NUP205: variants seen among roughly 807,000 people sequenced by gnomAD.
NUP205 encodes nucleoporin 205.
Under a neutral mutation model 253.8 loss-of-function variants are expected in NUP205, and 76 were observed. The ratio of observed to expected loss-of-function variants is 0.30; its 90% CI spans 0.25 to 0.36. The LOEUF (loss-of-function observed/expected upper bound fraction) is 0.36. Among genes scored for constraint, NUP205 ranks in the 10% least tolerant of loss-of-function variants. NUP205 has a pLI of 1.00. For synonymous variants in NUP205, 832 were observed against 850.1 expected, an observed-to-expected ratio of 0.98 and a Z score of 0.37; for missense variants, 2,162 against 2,425.5, an observed-to-expected ratio of 0.89 and a Z score of 2.28.
At chr7:135,565,199 G>A (rs1269127998) in intron 1 of NUP205, among the ~76,000 whole-genome samples, 2 of 152,080 alleles carry the variant, frequency 1.3e-5, no homozygotes, top group Non-Finnish European at 2.9e-5. Flanking sequence ...TTTTTCAGAG[G>A]TCCTACTGTA....
rs192326402 is a variant in NUP205 at position 135,629,727 on chromosome 7, A to G, written c.4933-617A>G. On this transcript the variant is annotated intron_variant, in intron 34 of 42. Coordinates refer to ENST00000285968, the MANE Select transcript of NUP205 (RefSeq NM_015135.3). Reference sequence around the variant, plus strand: ...TTTTTAGTAGAGATGGCATTTCACCATGTTGGCCAGGCTGGTCTCAAACTC... The same window carrying G: ...TTTTTAGTAGAGATGGCATTTCACCGTGTTGGCCAGGCTGGTCTCAAACTC... Among the ~76,000 whole-genome samples the G allele has an allele frequency of 2.0e-3, 310 of 151,880 alleles. 3 individuals carry two copies. Among genetic ancestry groups the G allele is most frequent in the African/African-American group, 6.9e-3 (286 of 41,452 alleles).
At chr7:135,646,782 A>G (rs568803793) in intron 42 of NUP205, among the ~76,000 whole-genome samples, 5 of 152,322 alleles carry the variant, frequency 3.3e-5, no homozygotes, top group Admixed American at 2.6e-4. Flanking sequence ...TGCTTCATCT[A>G]AGAAATAGGA....
At chr7:135,611,540 A>G (rs913556013) in intron 22 of NUP205, among the ~76,000 whole-genome samples, 1 of 151,952 alleles carries the variant, frequency 6.6e-6, no homozygotes, top group Admixed American at 6.6e-5. Context: ...GTGTATATAC[A>G]TTGTTTATAG....
chr7:135,628,484 G>A (rs1031498374), intron 34 of NUP205, among the ~76,000 whole-genome samples: 22 of 152,264 alleles, frequency 1.4e-4, no homozygotes, highest in African/African-American at 5.3e-4. Flanking sequence ...GGTGGCTCAC[G>A]CCTGTAATCC....
rs566482126 is a variant in NUP205, at chr7:135,646,004, G to A, written c.5813-154G>A. 1.9e-5 allele frequency: 12 copies of A among 624,152 alleles called. No individual in the cohort carries two copies. In the East Asian group the frequency reaches 3.3e-4, roughly 17 times the overall value. 38.7% of individuals were successfully genotyped at this position (624,152 alleles called of 1,614,324 possible). ...TCTGGACCAGTGAAATGCTTTCTAGGGGCTTCCATTTGCTAAAAGTTGAAA... is the reference window on the plus strand; with the variant it reads ...TCTGGACCAGTGAAATGCTTTCTAGAGGCTTCCATTTGCTAAAAGTTGAAA... On this transcript the variant is annotated intron_variant, in intron 41 of 42. Coordinates refer to ENST00000285968, the MANE Select transcript of NUP205 (RefSeq NM_015135.3).
At position 135,584,785 on chromosome 7, in the gene NUP205, G is replaced by T. The variant is rs567225002; in HGVS notation, c.1043-47G>T. On this transcript the variant is annotated intron_variant, in intron 7 of 42. Transcript: ENST00000285968. The stretch of plus-strand genomic sequence containing the variant: ...ATTATGAGATATAATTACAATCTGG[G>T]TTAATGACTTTTCCTCCATGTACTG... The T allele has an allele frequency of 3.9e-6, 6 of 1,528,896 alleles. No individual in the cohort carries two copies. In the African/African-American group the frequency reaches 8.2e-5, roughly 21 times the overall value. The allele number at this position is 1,528,896 out of a possible 1,614,324, so 94.7% of individuals were successfully genotyped here.
intron 39 of NUP205, among the ~76,000 whole-genome samples, chr7:135,643,648 C>G (rs1453740827): frequency 6.7e-6 from 1 of 149,668 alleles, no homozygotes; most frequent in Non-Finnish European, 1.5e-5. Context: ...CTGAGAAAGG[C>G]TTCTGTTACA....
At position 135,619,901 on chromosome 7, in the gene NUP205, C is replaced by T; in HGVS notation, c.4330+13C>T. ...ACCTTAGAAGCAGGTAGAATGAGAT[C>T]AATTCCTAATCTTTTCTGGATTGGG... On this transcript the variant is annotated intron_variant, in intron 30 of 42. Coordinates refer to ENST00000285968, the MANE Select transcript of NUP205 (RefSeq NM_015135.3). 6.7e-7 allele frequency: 1 copy of T among 1,496,934 alleles called. No individual in the cohort carries two copies. Among genetic ancestry groups the T allele is most frequent in the Non-Finnish European group, 9.2e-7 (1 of 1,082,842 alleles). The allele number at this position is 1,496,934 out of a possible 1,614,324, so 92.7% of individuals were successfully genotyped here.
chr7:135,594,083 T>G lies in NUP205; in HGVS notation c.1831-464T>G, dbSNP rs140529959. On this transcript the variant is annotated intron_variant, in intron 12 of 42. Transcript: ENST00000285968. ...TATCAAAATATGACTCTGTACCCTA[T>G]AAATATGTATAGTTATTACATATCA... Among the ~76,000 whole-genome samples, 1,259 of 152,324 alleles carry G rather than the reference T, an allele frequency of 8.3e-3. 9 individuals carry two copies. The highest frequency in any genetic ancestry group is 0.011 in the Non-Finnish European group (761 of 68,020).
chr7:135,567,808 T>G (rs1805827214), intron 1 of NUP205, among the ~76,000 whole-genome samples: 2 of 152,234 alleles, frequency 1.3e-5, no homozygotes, highest in Admixed American at 6.5e-5. Flanking sequence ...TTTCATCTGT[T>G]GAGTAATTGG....
At chr7:135,560,813 A>G (rs1315693887) in intron 1 of NUP205, among the ~76,000 whole-genome samples, 1 of 152,146 alleles carries the variant, frequency 6.6e-6, no homozygotes, top group Non-Finnish European at 1.5e-5. Context: ...GGTGGTTGCC[A>G]GGGGCTGGGA....
chr7:135,587,658 A>G lies in NUP205; in HGVS notation c.1302A>G (p.Ser434=). Residue 434 remains serine, a synonymous_variant, in exon 9 of 43, where the codon TCA becomes TCG. Coordinates refer to ENST00000285968, the MANE Select transcript of NUP205 (RefSeq NM_015135.3). ...AGATGGGTAATGAACCCCCCATTTC[A>G]CTTAGAAGGGACCTGGAACACTTAA... The part of the protein sequence containing the change: ...SMQMGNEPPI[S]LRRDLEHLML... The G allele has an allele frequency of 6.2e-7, 1 of 1,610,036 alleles. No homozygotes were observed. Among genetic ancestry groups the G allele is most frequent in the Non-Finnish European group, 8.5e-7 (1 of 1,177,900 alleles).
chr7:135,601,345 T>G, intron 16 of NUP205, 25 bp from the exon 17 acceptor site: 1 of 1,597,664 alleles, frequency 6.3e-7, no homozygotes, highest in Non-Finnish European at 8.5e-7. Flanking sequence ...CCATCATCTC[T>G]TGGAATATGT....
chr7:135,589,877 T>C (rs1806579352), intron 10 of NUP205, among the ~76,000 whole-genome samples: 2 of 151,050 alleles, frequency 1.3e-5, no homozygotes, highest in South Asian at 2.1e-4. Flanking sequence ...GTGATTGTGC[T>C]ACTACATTCC....
chr7:135,584,961 G>A lies in NUP205; in HGVS notation c.1172G>A (p.Arg391Lys), dbSNP rs762294422. 15 of 1,613,840 alleles carry A rather than the reference G, an allele frequency of 9.3e-6. No individual in the cohort carries two copies. In the South Asian group the frequency reaches 1.6e-4, roughly 18 times the overall value. ...TATCAGGAAGAATTTTATATTCGCA[G>A]AGTCCATAATCTCATCACAGATTTC... is the stretch of plus-strand genomic sequence containing the variant. The part of the protein sequence containing the change: ...YFYQEEFYIR[R>K]VHNLITDFLA... The change falls in exon 8 of 43, where the codon AGA becomes AAA. Residue 391 changes from arginine to lysine, a missense_variant. Coordinates refer to ENST00000285968, the MANE Select transcript of NUP205 (RefSeq NM_015135.3).
intron 8 of NUP205, 71 bp from the exon 9 acceptor site, chr7:135,587,504 T>TG: frequency 1.2e-6 from 1 of 817,576 alleles, no homozygotes; most frequent in African/African-American, 1.7e-5. Context: ...TTAAGACAGT[T>TG]GCCTGATTTC....
rs1734453489 is a variant in NUP205 at position 135,646,192 on chromosome 7, A to G, written c.5847A>G (p.Arg1949=). 6.2e-7 allele frequency: 1 copy of G among 1,613,636 alleles called. No individual in the cohort carries two copies. The highest frequency in any genetic ancestry group is 8.5e-7 in the Non-Finnish European group (1 of 1,179,622). Residue 1949 remains arginine, a synonymous_variant, in exon 42 of 43, where the codon AGA becomes AGG. Transcript: ENST00000285968. The part of the protein sequence containing the change: ...SFASETNLDF[R]SGLAIVSQHD... ...CCTCAGAAACCAATCTAGATTTTAGAAGTGGGCTGGCTATAGTGAGCCAAC... is the reference window on the plus strand; with the variant it reads ...CCTCAGAAACCAATCTAGATTTTAGGAGTGGGCTGGCTATAGTGAGCCAAC...
intron 18 of NUP205, 74 bp from the exon 19 acceptor site, chr7:135,604,266 A>C: frequency 7.3e-7 from 1 of 1,376,674 alleles, no homozygotes; most frequent in South Asian, 1.4e-5. Context: ...CCTGGTTCTA[A>C]ATTTTCTTTA....
At chr7:135,592,857 A>G in intron 11 of NUP205, 130 bp from the exon 12 acceptor site, 1 of 689,408 alleles carries the variant, frequency 1.5e-6, no homozygotes, top group South Asian at 1.9e-5. Flanking sequence ...TCTGCACTCC[A>G]GCCTGGGTGA....
Sources: allele counts gnomAD v4.1 joint callset (sites outside exome capture counted in the v4.1 genomes callset), GRCh38; gene constraint gnomAD v4.1.1; transcripts MANE v1.5; gene names NCBI Gene and HGNC (gene_info 2026-07-23, HGNC 2026-07-21).